The following TAFA1 variants were observed in gnomAD, a reference collection of about 807,000 sequenced individuals.
TAFA1 encodes the protein chemokine-like protein TAFA-1.
TAFA1 carries 4 observed loss-of-function variants against 18.5 expected under a neutral mutation model. The observed-to-expected ratio is 0.22, with a 90% CI of 0.11 to 0.49. TAFA1 has a LOEUF of 0.49. TAFA1 is among the 20% of genes least tolerant of loss of function. The probability of loss-of-function intolerance (pLI) is 0.98; values close to 1 mark genes in which losing one functional copy is unlikely to be tolerated. For synonymous variants in TAFA1, 56 were observed against 55.2 expected, an observed-to-expected ratio of 1.01 and a Z score of -0.06; for missense variants, 147 against 169.0, an observed-to-expected ratio of 0.87 and a Z score of 0.72.
At chr3:68,118,460 C>A (rs747987652) in intron 2 of TAFA1, among the ~76,000 whole-genome samples, 1 of 152,104 alleles carries the variant, frequency 6.6e-6, no homozygotes, top group Admixed American at 6.5e-5. Flanking sequence ...TAACAGGTAA[C>A]GGACTGGTAC....
chr3:68,298,938 G>C (rs2068257523), intron 2 of TAFA1, among the ~76,000 whole-genome samples: 1 of 152,218 alleles, frequency 6.6e-6, no homozygotes, highest in African/African-American at 2.4e-5. Context: ...TGAAAATGTG[G>C]ATGTGACTTT....
intron 2 of TAFA1, among the ~76,000 whole-genome samples, chr3:68,349,884 A>G (rs1400930257): frequency 1.3e-5 from 2 of 152,092 alleles, no homozygotes; most frequent in African/African-American, 4.8e-5. Context: ...ATTCACCATA[A>G]TAGCCTTGAG....
At chr3:68,463,182 C>T (rs748078059) in intron 3 of TAFA1, among the ~76,000 whole-genome samples, 11 of 152,282 alleles carry the variant, frequency 7.2e-5, no homozygotes, top group Non-Finnish European at 1.3e-4. Flanking sequence ...CAAGTTGACA[C>T]ATTGATAGAG....
At chr3:68,202,660 G>A (rs1333066212) in intron 2 of TAFA1, among the ~76,000 whole-genome samples, 1 of 151,552 alleles carries the variant, frequency 6.6e-6, no homozygotes, top group Non-Finnish European at 1.5e-5. Flanking sequence ...TATGGGTACT[G>A]TGAGTAACTT....
At chr3:68,266,193 C>G (rs527835309) in intron 2 of TAFA1, among the ~76,000 whole-genome samples, 27 of 152,146 alleles carry the variant, frequency 1.8e-4, no homozygotes, top group Non-Finnish European at 3.1e-4. Context: ...TCATGTAGCG[C>G]GCTTTAATTT....
intron 2 of TAFA1, among the ~76,000 whole-genome samples, chr3:68,332,115 G>A (rs1037422684): frequency 2.6e-5 from 4 of 151,358 alleles, no homozygotes; most frequent in African/African-American, 7.3e-5. Flanking sequence ...CGCCCGCCTC[G>A]GCCTCCCAAA....
At chr3:68,440,040 TC>T (rs76835874) in intron 3 of TAFA1, among the ~76,000 whole-genome samples, 35,026 of 151,248 alleles carry the variant, frequency 0.23, 4,786 homozygotes, top group East Asian at 0.62. Flanking sequence ...TTTAGCTGTG[TC>T]CCCCCCCTCC....
At chr3:68,258,470 T>C (rs892764691) in intron 2 of TAFA1, among the ~76,000 whole-genome samples, 2 of 152,180 alleles carry the variant, frequency 1.3e-5, no homozygotes, top group African/African-American at 4.8e-5. Context: ...ATGATCAACT[T>C]TCTATTCACT....
At chr3:68,224,629 G>A (rs979968274) in intron 2 of TAFA1, among the ~76,000 whole-genome samples, 6 of 152,138 alleles carry the variant, frequency 3.9e-5, no homozygotes, top group African/African-American at 1.2e-4. Context: ...AGAGAGGCTA[G>A]TGATTAGAGT....
intron 2 of TAFA1, among the ~76,000 whole-genome samples, chr3:68,172,786 T>G (rs542769251): frequency 6.6e-6 from 1 of 152,264 alleles, no homozygotes; most frequent in African/African-American, 2.4e-5. Flanking sequence ...CATAATAGAT[T>G]ATTTATTGAT....
At chr3:68,168,659 T>G (rs1247123359) in intron 2 of TAFA1, among the ~76,000 whole-genome samples, 1 of 152,248 alleles carries the variant, frequency 6.6e-6, no homozygotes, top group East Asian at 1.9e-4. Context: ...CCTGATTATT[T>G]TGGAGTTGTG....
upstream of TAFA1, among the ~76,000 whole-genome samples, chr3:68,001,847 A>C (rs1294000284): frequency 2.6e-5 from 4 of 152,366 alleles, no homozygotes; most frequent in East Asian, 5.8e-4. Context: ...AGGTAGATCC[A>C]TTAAAGATTG....
intron 2 of TAFA1, among the ~76,000 whole-genome samples, chr3:68,256,509 G>T (rs2067299942): frequency 6.6e-6 from 1 of 152,114 alleles, no homozygotes; most frequent in Non-Finnish European, 1.5e-5. Context: ...TTTTAACAGT[G>T]CTTGATCCAG....
At chr3:68,357,976 T>C (rs2069396756) in intron 2 of TAFA1, among the ~76,000 whole-genome samples, 1 of 152,000 alleles carries the variant, frequency 6.6e-6, no homozygotes, top group Non-Finnish European at 1.5e-5. Context: ...ACTTTACATG[T>C]TGCTTCATGT....
rs565972274 is a variant in TAFA1, at chr3:68,139,605, G to A, written c.118+132861G>A. On this transcript the variant is annotated intron_variant, in intron 2 of 4. Transcript: ENST00000478136. ...GACACTTAGATTGCTTCCTTTTATA[G>A]AATGAACTAGGAGATTTCTTGGGCC... Among the ~76,000 whole-genome samples the A allele has an allele frequency of 7.2e-4, 110 of 152,218 alleles. 1 individual carries two copies. The highest frequency in any genetic ancestry group is 3.4e-3 in the Middle Eastern group (1 of 294).
intron 2 of TAFA1, among the ~76,000 whole-genome samples, chr3:68,287,093 G>A (rs2068023264): frequency 2.6e-5 from 4 of 152,180 alleles, no homozygotes; most frequent in Admixed American, 2.6e-4. Flanking sequence ...ATTTCCTGGG[G>A]CTCTGCATGT....
chr3:68,493,057 AG>A (rs2072481997), intron 3 of TAFA1, among the ~76,000 whole-genome samples: 1 of 152,196 alleles, frequency 6.6e-6, no homozygotes, highest in African/African-American at 2.4e-5. Context: ...AGTAGCATTA[AG>A]TACATTCATA....
At chr3:68,521,856 G>GTTTGTTTTTT (rs1399522039) in intron 3 of TAFA1, among the ~76,000 whole-genome samples, 1 of 70,848 alleles carries the variant, frequency 1.4e-5, no homozygotes, top group Non-Finnish European at 2.4e-5. Flanking sequence ...GTTTTTTTCT[G>GTTTGTTTTTT]TTTTTTTTTT....
At chr3:68,036,610 C>A (rs1433751168) in intron 2 of TAFA1, among the ~76,000 whole-genome samples, 1 of 152,090 alleles carries the variant, frequency 6.6e-6, no homozygotes, top group Non-Finnish European at 1.5e-5. Context: ...CTGAGCCCAC[C>A]AATTCCTGGA....
Sources: gnomAD v4.1 joint callset for allele counts (sites outside exome capture counted in the v4.1 genomes callset) on GRCh38, gnomAD v4.1.1 for gene constraint, MANE v1.5 for transcripts, NCBI Gene and HGNC (gene_info 2026-07-23, HGNC 2026-07-21) for gene names.